The following PEX2 variants were observed in gnomAD, a reference collection of about 807,000 sequenced individuals.
PEX2 encodes the protein peroxisomal biogenesis factor 2, also known as peroxisome biogenesis factor 2.
PEX2 carries 19 observed loss-of-function variants against 25.2 expected under a neutral mutation model. The observed-to-expected ratio is 0.75, with a 90% CI of 0.53 to 1.10. PEX2 has a LOEUF of 1.10. PEX2 is among the 50% of genes least tolerant of loss of function. The pLI, the probability that PEX2 is intolerant of heterozygous loss-of-function variation, is 0.00. For missense variants in PEX2, 347 were observed against 350.6 expected, an observed-to-expected ratio of 0.99 and a Z score of 0.08; for synonymous variants, 141 against 127.7, an observed-to-expected ratio of 1.10 and a Z score of -0.70.
chr8:76,985,942 T>G (rs1806989484), intron 3 of PEX2, among the ~76,000 whole-genome samples: 3 of 152,208 alleles, frequency 2.0e-5, no homozygotes, highest in African/African-American at 7.2e-5. Context: ...TAAAGTAAAC[T>G]TGTACTTCTT....
At chr8:76,993,731 G>C (rs1176221172) in intron 1 of PEX2, among the ~76,000 whole-genome samples, 1 of 152,074 alleles carries the variant, frequency 6.6e-6, no homozygotes, top group African/African-American at 2.4e-5. Flanking sequence ...AATTCTAATA[G>C]ATTTTTCCTA....
intron 3 of PEX2, among the ~76,000 whole-genome samples, chr8:76,985,349 T>G (rs1806973546): frequency 6.6e-6 from 1 of 151,968 alleles, no homozygotes; most frequent in African/African-American, 2.4e-5. Context: ...GGGTGCAAAT[T>G]TTCAGTTATA....
chr8:76,983,404 AT>A lies in PEX2; in HGVS notation c.774del (p.Cys259ValfsTer35). On this transcript the variant is annotated frameshift_variant, in exon 4 of 4. Coordinates refer to ENST00000357039, the MANE Select transcript of PEX2 (RefSeq NM_000318.3). LOFTEE classifies it high-confidence loss of function. The part of the protein sequence containing the change: ...GEWPTMPHTI[G>X]CEHIFCYFCA... ...CAGAAATAACAGAAAATATGCTCAC[AT>A]CCTATGGTGTGAGGCATGGTGGGCC... The A allele has an allele frequency of 6.2e-7, 1 of 1,614,116 alleles. No individual in the cohort carries two copies. Among genetic ancestry groups the A allele is most frequent in the Non-Finnish European group, 8.5e-7 (1 of 1,180,020 alleles).
At chr8:76,990,402 C>A (rs1807133668) in intron 1 of PEX2, among the ~76,000 whole-genome samples, 2 of 152,166 alleles carry the variant, frequency 1.3e-5, no homozygotes. Context: ...CCTCTGCATT[C>A]ACAACTTGGC....
At chr8:76,991,133 C>T (rs1470620936) in intron 1 of PEX2, among the ~76,000 whole-genome samples, 1 of 152,140 alleles carries the variant, frequency 6.6e-6, no homozygotes, top group Non-Finnish European at 1.5e-5. Flanking sequence ...CCTCAGGTTC[C>T]TTAGTGATAT....
chr8:76,997,263 T>C (rs1380401675), intron 1 of PEX2, among the ~76,000 whole-genome samples: 3 of 152,218 alleles, frequency 2.0e-5, no homozygotes, highest in African/African-American at 7.2e-5. Context: ...GAACATTAAC[T>C]ATTACGAACA....
Position 76,998,681 on chromosome 8 carries a change from C to G in PEX2, c.-160+1309G>C, listed in dbSNP as rs1032364186. On this transcript the variant is annotated intron_variant, in intron 1 of 3. Transcript: ENST00000357039. ...AGAACCTTGTTATTCAAGCGGAACA[C>G]CTAAATGGCTGCTCTTGTTAAAATA... Among the ~76,000 whole-genome samples, 3 of 152,114 alleles carry G rather than the reference C, an allele frequency of 2.0e-5. No individual in the cohort carries two copies. In the East Asian group the frequency reaches 5.8e-4, roughly 29 times the overall value.
chr8:76,996,395 A>C (rs1213732013), intron 1 of PEX2, among the ~76,000 whole-genome samples: 1 of 152,210 alleles, frequency 6.6e-6, no homozygotes, highest in Non-Finnish European at 1.5e-5. Flanking sequence ...AGCGTCCTAT[A>C]CTGACAACGC....
rs1007296563 is a variant in PEX2, at chr8:76,981,320, G to T, written c.*1941C>A. 1 of 152,148 alleles carries T rather than the reference G, an allele frequency of 6.6e-6. No homozygotes were observed. The highest frequency in any genetic ancestry group is 1.5e-5 in the Non-Finnish European group (1 of 68,090). 9.4% of individuals were successfully genotyped at this position (152,148 alleles called of 1,614,324 possible). ...ACCTCATCTCTACAAAAATTAGCCA[G>T]GCATGGTGGTATGGGCCTGTGGTCC... On this transcript the variant is annotated 3_prime_UTR_variant, in exon 4 of 4. Transcript: ENST00000357039.
intron 1 of PEX2, among the ~76,000 whole-genome samples, chr8:76,998,405 G>A (rs918094755): frequency 6.6e-6 from 1 of 152,064 alleles, no homozygotes; most frequent in Non-Finnish European, 1.5e-5. Context: ...ATATGGAGAA[G>A]AAGGAATAAT....
At chr8:77,000,633 C>G (rs1807484353), upstream of PEX2, among the ~76,000 whole-genome samples, 1 of 152,184 alleles carries the variant, frequency 6.6e-6, no homozygotes, top group South Asian at 2.1e-4. Flanking sequence ...CCTGTGTGCA[C>G]AGGGAGGATA....
At chr8:76,993,013 A>T (rs888455517) in intron 1 of PEX2, among the ~76,000 whole-genome samples, 1 of 152,208 alleles carries the variant, frequency 6.6e-6, no homozygotes, top group Non-Finnish European at 1.5e-5. Flanking sequence ...TAGCTGGGAC[A>T]TACGGACATG....
At position 76,984,193 on chromosome 8, in the gene PEX2, T is replaced by C; in HGVS notation, c.-15A>G. On this transcript the variant is annotated splice_region_variant and 5_prime_UTR_variant, in exon 4 of 4. Coordinates refer to ENST00000357039, the MANE Select transcript of PEX2 (RefSeq NM_000318.3). ...CTGGAAGCCATGTCTTCTCTGAAGG[T>C]CTCTAGGAAAAAATACAATTGAAGA... 6.2e-7 allele frequency: 1 copy of C among 1,613,028 alleles called. No homozygotes were observed. Among genetic ancestry groups the C allele is most frequent in the Admixed American group, 1.7e-5 (1 of 59,980 alleles).
chr8:76,984,396 C>T (rs1806944512), intron 3 of PEX2, among the ~76,000 whole-genome samples: 1 of 152,150 alleles, frequency 6.6e-6, no homozygotes, highest in Non-Finnish European at 1.5e-5. Context: ...TCTTTCTCCC[C>T]CTGCCTTTTT....
Position 76,983,957 on chromosome 8 carries a change from G to A in PEX2, c.222C>T (p.Ala74=), listed in dbSNP as rs370886270. Residue 74 remains alanine, a synonymous_variant, in exon 4 of 4, where the codon GCC becomes GCT. Coordinates refer to ENST00000357039, the MANE Select transcript of PEX2 (RefSeq NM_000318.3). ...TATTCAAAACTGACTGTCCCACTGT[G>A]GCATTTTTGGAGTAGATGGTGAATC... ...LWRFTIYSKN[A]TVGQSVLNIK... is the part of the protein sequence containing the mutation. The A allele has an allele frequency of 9.9e-6, 16 of 1,614,002 alleles. No homozygotes were observed. In the African/African-American group the frequency reaches 1.5e-4, roughly 15 times the overall value.
chr8:76,997,447 T>C (rs1807371164), intron 1 of PEX2, among the ~76,000 whole-genome samples: 1 of 152,078 alleles, frequency 6.6e-6, no homozygotes, highest in African/African-American at 2.4e-5. Flanking sequence ...TGCACACCTG[T>C]AATCCCAGCT....
intron 1 of PEX2, among the ~76,000 whole-genome samples, chr8:76,999,481 G>A (rs1046703932): frequency 6.6e-6 from 1 of 152,192 alleles, no homozygotes; most frequent in African/African-American, 2.4e-5. Flanking sequence ...AATTTTATCA[G>A]AAACTTTTCA....
intron 1 of PEX2, among the ~76,000 whole-genome samples, chr8:76,994,988 A>C (rs1456814485): frequency 6.6e-6 from 1 of 152,194 alleles, no homozygotes; most frequent in Non-Finnish European, 1.5e-5. Context: ...GACGTGCATC[A>C]AAGAGGGATT....
At position 76,985,175 on chromosome 8, in the gene PEX2, CAAA is replaced by C. The variant is rs34238954; in HGVS notation, c.-17-983_-17-981del. Among the ~76,000 whole-genome samples, 392 of 138,706 alleles carry C rather than the reference CAAA, an allele frequency of 2.8e-3. 1 individual carries two copies. Among genetic ancestry groups the C allele is most frequent in the East Asian group, 9.3e-3 (45 of 4,852 alleles). 91.0% of individuals were successfully genotyped at this position (138,706 alleles called of 152,430 possible). On this transcript the variant is annotated intron_variant, in intron 3 of 3. Transcript: ENST00000357039. ...TATTAACTGGCAAATCCACCCATGACAAAAAAAAAAAAAAAATGAGGCTTAAAT... is the reference window on the plus strand; with the variant it reads ...TATTAACTGGCAAATCCACCCATGACAAAAAAAAAAAAATGAGGCTTAAAT...
Sources: allele counts gnomAD v4.1 joint callset (sites outside exome capture counted in the v4.1 genomes callset), GRCh38; gene constraint gnomAD v4.1.1; transcripts MANE v1.5; gene names NCBI Gene and HGNC (gene_info 2026-07-23, HGNC 2026-07-21).